Variants in RBFOX1 observed in about 807,000 individuals in gnomAD.
RBFOX1 encodes the protein RNA binding protein fox-1 homolog 1.
RBFOX1 carries 8 observed loss-of-function variants against 57.7 expected under a neutral mutation model. The ratio of observed to expected loss-of-function variants is 0.14; its 90% CI spans 0.08 to 0.25. RBFOX1 has a LOEUF of 0.25. Among genes scored for constraint, RBFOX1 ranks in the 10% least tolerant of loss-of-function variants. RBFOX1 has a pLI of 1.00. For synonymous variants in RBFOX1, 326 were observed against 222.4 expected, an observed-to-expected ratio of 1.47 and a Z score of -4.15; for missense variants, 611 against 548.5, an observed-to-expected ratio of 1.11 and a Z score of -1.14.
intron 2 of RBFOX1, among the ~76,000 whole-genome samples, chr16:5,487,870 AATG>A (rs1275461545): frequency 6.6e-6 from 1 of 151,912 alleles, no homozygotes; most frequent in East Asian, 1.9e-4. Context: ...TGATGTTGAT[AATG>A]ATGGTGGTGG....
Position 7,169,851 on chromosome 16 carries a change from G to A in RBFOX1, c.27+117753G>A, listed in dbSNP as rs768181399. Among the ~76,000 whole-genome samples, 15 of 152,048 alleles carry A rather than the reference G, an allele frequency of 9.9e-5. No homozygotes were observed. The East Asian group carries it at 1.4e-3, about 14-fold the overall frequency. Reference sequence around the variant, plus strand: ...TTGGCAGGGCCAAAGCAGGCTGATCGCTTGAGTCCAGGAGTTCAAGACCTG... The same window carrying A: ...TTGGCAGGGCCAAAGCAGGCTGATCACTTGAGTCCAGGAGTTCAAGACCTG... On this transcript the variant is annotated intron_variant, in intron 4 of 15. Transcript: ENST00000550418.
At chr16:7,594,732 A>G (rs1001465868) in intron 7 of RBFOX1, among the ~76,000 whole-genome samples, 1 of 152,238 alleles carries the variant, frequency 6.6e-6, no homozygotes, top group Admixed American at 6.5e-5. Flanking sequence ...TATGAAAAAT[A>G]AATATTGACC....
chr16:6,649,839 T>A (rs986081789), intron 2 of RBFOX1, among the ~76,000 whole-genome samples: 1 of 152,204 alleles, frequency 6.6e-6, no homozygotes, highest in East Asian at 1.9e-4. Flanking sequence ...TATATATGTA[T>A]AGTATATTAT....
Position 7,205,648 on chromosome 16 carries a change from C to T in RBFOX1, c.27+153550C>T, listed in dbSNP as rs141002037. Among the ~76,000 whole-genome samples, 170 of 152,196 alleles carry T rather than the reference C, an allele frequency of 1.1e-3. 1 individual carries two copies. Among genetic ancestry groups the T allele is most frequent in the African/African-American group, 3.9e-3 (163 of 41,522 alleles). On this transcript the variant is annotated intron_variant, in intron 4 of 15. Transcript: ENST00000550418. ...ACAAAATACGATACATTTTAGAAAC[C>T]AAAATTCCATGCCTTCTTGGTCATT...
intron 3 of RBFOX1, among the ~76,000 whole-genome samples, chr16:7,049,687 T>TCC (rs1555813451): frequency 6.6e-6 from 1 of 152,078 alleles, no homozygotes; most frequent in African/African-American, 2.4e-5. Context: ...GTCGTTTTGT[T>TCC]CCCCCCTCCA....
At chr16:5,361,861 C>G (rs1247867932) in intron 1 of RBFOX1, among the ~76,000 whole-genome samples, 2 of 152,200 alleles carry the variant, frequency 1.3e-5, no homozygotes, top group African/African-American at 4.8e-5. Flanking sequence ...GCCTATGGGC[C>G]TCTTTACAGC....
chr16:6,483,437 C>T (rs930346365), intron 2 of RBFOX1: 25 of 1,535,494 alleles, frequency 1.6e-5, no homozygotes, highest in African/African-American at 8.2e-5. Flanking sequence ...TTTGCTGTTG[C>T]CTCGGACTTC....
chr16:7,188,618 C>T (rs576187309), intron 4 of RBFOX1, among the ~76,000 whole-genome samples: 1 of 152,248 alleles, frequency 6.6e-6, no homozygotes, highest in South Asian at 2.1e-4. Context: ...CAGACTTTTC[C>T]AATAAGCATT....
intron 2 of RBFOX1, among the ~76,000 whole-genome samples, chr16:6,450,391 A>G (rs1206686400): frequency 6.6e-6 from 1 of 151,970 alleles, no homozygotes; most frequent in Non-Finnish European, 1.5e-5. Flanking sequence ...CTCCAGCCTT[A>G]AGGAATAACT....
rs76227716 is a variant in RBFOX1, at chr16:7,085,198, G to T, written c.27+33100G>T. On this transcript the variant is annotated intron_variant, in intron 4 of 15. Coordinates refer to ENST00000550418, the MANE Select transcript of RBFOX1 (RefSeq NM_018723.4). The stretch of plus-strand genomic sequence containing the variant: ...AGGGCCAGGCCTATAAAGGAAAATT[G>T]GTTATTCTACTTGCCAAATAACATC... Among the ~76,000 whole-genome samples the T allele has an allele frequency of 6.4e-4, 97 of 152,154 alleles. 1 individual carries two copies. The East Asian group carries it at 0.016, about 26-fold the overall frequency.
chr16:7,015,152 C>T (rs541869500), intron 3 of RBFOX1, among the ~76,000 whole-genome samples: 35 of 152,264 alleles, frequency 2.3e-4, no homozygotes, highest in African/African-American at 8.2e-4. Flanking sequence ...TTCCTTTCTT[C>T]TTAGTCACTC....
intron 3 of RBFOX1, among the ~76,000 whole-genome samples, chr16:5,769,159 A>G (rs1303700784): frequency 6.6e-6 from 1 of 152,078 alleles, no homozygotes; most frequent in Non-Finnish European, 1.5e-5. Flanking sequence ...ACGTTTTTTG[A>G]TGGGAAACAC....
rs75752555 is a variant in RBFOX1, at chr16:6,406,608, A to G, written c.-64+89551A>G. Reference sequence around the variant, plus strand: ...TTTTTTTTTTCATTTTAAGCACCCTATTGATACTTGGCATCTCTGCAGTAA... The same window carrying G: ...TTTTTTTTTTCATTTTAAGCACCCTGTTGATACTTGGCATCTCTGCAGTAA... On this transcript the variant is annotated intron_variant, in intron 2 of 15. Coordinates refer to ENST00000550418, the MANE Select transcript of RBFOX1 (RefSeq NM_018723.4). Among the ~76,000 whole-genome samples, 5 of 147,556 alleles carry G rather than the reference A, an allele frequency of 3.4e-5. No individual in the cohort carries two copies. The East Asian group carries it at 1.0e-3, about 30-fold the overall frequency.
intron 4 of RBFOX1, among the ~76,000 whole-genome samples, chr16:7,513,051 G>T (rs540616665): frequency 8.7e-5 from 13 of 149,218 alleles, no homozygotes; most frequent in African/African-American, 3.2e-4. Context: ...ATCACTTGAG[G>T]CCAGCAGTTC....
At chr16:5,251,346 C>G (rs9674269) in intron 1 of RBFOX1, among the ~76,000 whole-genome samples, 1 of 152,278 alleles carries the variant, frequency 6.6e-6, no homozygotes, top group Non-Finnish European at 1.5e-5. Flanking sequence ...TCACTGTTGA[C>G]AGCACGTTCA....
chr16:5,698,027 G>A (rs1439201807), intron 3 of RBFOX1, among the ~76,000 whole-genome samples: 1 of 152,150 alleles, frequency 6.6e-6, no homozygotes, highest in Admixed American at 6.5e-5. Context: ...TTGATGTGGT[G>A]AATTACCTTA....
At chr16:5,352,582 C>T (rs1334239045) in intron 1 of RBFOX1, among the ~76,000 whole-genome samples, 2 of 152,122 alleles carry the variant, frequency 1.3e-5, no homozygotes. Context: ...CACGTATGGC[C>T]TAAGATCAAA....
Position 7,073,109 on chromosome 16 carries a change from T to C in RBFOX1, c.27+21011T>C, listed in dbSNP as rs191519433. 1.4e-3 allele frequency among the ~76,000 whole-genome samples: 212 copies of C among 152,288 alleles called. 1 individual carries two copies. Among genetic ancestry groups the C allele is most frequent in the Non-Finnish European group, 1.4e-3 (92 of 68,014 alleles). ...TTGAGACTCCAGAAAGATCAGACTT[T>C]AGGAGTAAAGTGTGTATCTTAGGGC... On this transcript the variant is annotated intron_variant, in intron 4 of 15. Coordinates refer to ENST00000550418, the MANE Select transcript of RBFOX1 (RefSeq NM_018723.4).
chr16:7,276,553 GA>G (rs2095444140), intron 4 of RBFOX1, among the ~76,000 whole-genome samples: 1 of 151,856 alleles, frequency 6.6e-6, no homozygotes. Context: ...ATCCTTGACT[GA>G]TTTTTTTTTA....
Sources: gnomAD v4.1 joint callset for allele counts (sites outside exome capture counted in the v4.1 genomes callset) on GRCh38, gnomAD v4.1.1 for gene constraint, MANE v1.5 for transcripts, NCBI Gene and HGNC (gene_info 2026-07-23, HGNC 2026-07-21) for gene names.